GNG12: variants seen among roughly 807,000 people sequenced by gnomAD.
GNG12 encodes the protein G protein subunit gamma 12.
For missense variants in GNG12, 69 were observed against 83.8 expected (o/e 0.82, Z 0.69); for synonymous variants, 28 against 29.7 (o/e 0.94, Z 0.19).
intron 1 of GNG12, among the ~76,000 whole-genome samples, chr1:67,807,452 A>C (rs1646900060): frequency 6.6e-6 from 1 of 151,880 alleles, no homozygotes; most frequent in African/African-American, 2.4e-5. Flanking sequence ...AAAAAATTCA[A>C]ATTAAAGAAA....
intron 2 of GNG12, among the ~76,000 whole-genome samples, chr1:67,726,459 C>T (rs1646387025): frequency 6.6e-6 from 1 of 152,266 alleles, no homozygotes; most frequent in African/African-American, 2.4e-5. Flanking sequence ...GGGTTGGGCA[C>T]AGAGTGAGAA....
chr1:67,742,168 C>T (rs11803182), intron 2 of GNG12, among the ~76,000 whole-genome samples: 4,863 of 152,124 alleles, frequency 0.032, 229 homozygotes, highest in African/African-American at 0.1. Context: ...TCTCTAGCAC[C>T]CTTTTAGAAA....
At chr1:67,803,341 T>C (rs1646877317) in intron 1 of GNG12, among the ~76,000 whole-genome samples, 2 of 152,090 alleles carry the variant, frequency 1.3e-5, no homozygotes, top group Non-Finnish European at 2.9e-5. Flanking sequence ...TAGTGAGACC[T>C]CATCTCTATA....
intron 1 of GNG12, among the ~76,000 whole-genome samples, chr1:67,816,299 G>T (rs1482689199): frequency 2.6e-5 from 4 of 152,132 alleles, no homozygotes; most frequent in Non-Finnish European, 5.9e-5. Context: ...GGAGCATAGA[G>T]CGTGCTCCTG....
chr1:67,707,559 C>A lies in GNG12; in HGVS notation c.93+35G>T, dbSNP rs754761560. ...GCCACAAGGAACAGGGGGAACTGAG[C>A]AGAAAGCATATGTTATCCAGTCGGG... On this transcript the variant is annotated intron_variant, in intron 3 of 3. Coordinates refer to ENST00000370982, the MANE Select transcript of GNG12 (RefSeq NM_018841.6). 1.1e-5 allele frequency: 12 copies of A among 1,086,508 alleles called. No homozygotes were observed. In the Admixed American group the frequency reaches 1.3e-4, roughly 12 times the overall value. 67.3% of individuals were successfully genotyped at this position (1,086,508 alleles called of 1,614,324 possible). A position where few individuals can be genotyped will look rare whatever the true frequency, so the allele number is the denominator to read the frequency against.
At chr1:67,759,298 T>C (rs1296250057) in intron 2 of GNG12, among the ~76,000 whole-genome samples, 1 of 152,262 alleles carries the variant, frequency 6.6e-6, no homozygotes, top group African/African-American at 2.4e-5. Context: ...CTATGGTTCC[T>C]GCGTAGGCAG....
chr1:67,705,163 T>A lies in GNG12; in HGVS notation c.*288A>T, dbSNP rs973157675. The A allele has an allele frequency of 1.8e-5, 4 of 227,958 alleles. No individual in the cohort carries two copies. The highest frequency in any genetic ancestry group is 3.4e-5 in the Non-Finnish European group (4 of 119,216). The allele number at this position is 227,958 out of a possible 1,614,324, so 14.1% of individuals were successfully genotyped here. ...GAATCCCTTGTATTTCTAAAGTATA[T>A]AATTATGTTTTTAAAAAGGCCCAGA... On this transcript the variant is annotated 3_prime_UTR_variant, in exon 4 of 4. Transcript: ENST00000370982.
chr1:67,802,492 T>G (rs1396113858), intron 1 of GNG12, among the ~76,000 whole-genome samples: 3 of 152,230 alleles, frequency 2.0e-5, no homozygotes, highest in Non-Finnish European at 2.9e-5. Context: ...GACTTCTGCA[T>G]GCTCTGCTCT....
chr1:67,762,748 G>A (rs1322005028), intron 2 of GNG12, among the ~76,000 whole-genome samples: 1 of 151,592 alleles, frequency 6.6e-6, no homozygotes, highest in East Asian at 1.9e-4. Context: ...TGAAAAATTT[G>A]TAAAATATAA....
intron 1 of GNG12, among the ~76,000 whole-genome samples, chr1:67,787,155 C>T (rs1457357921): frequency 3.3e-5 from 5 of 151,428 alleles, no homozygotes; most frequent in Admixed American, 1.3e-4. Flanking sequence ...ATAATCTAAT[C>T]GCAGTAAGTA....
intron 2 of GNG12, among the ~76,000 whole-genome samples, chr1:67,739,010 C>A (rs1449458579): frequency 6.6e-6 from 1 of 152,150 alleles, no homozygotes; most frequent in East Asian, 1.9e-4. Flanking sequence ...AAAACTCCAT[C>A]ATGACTAAAA....
intron 1 of GNG12, among the ~76,000 whole-genome samples, chr1:67,785,899 A>G (rs1245526228): frequency 1.3e-5 from 2 of 152,200 alleles, no homozygotes; most frequent in African/African-American, 4.8e-5. Context: ...AAATTCAGAT[A>G]AAACTTATTT....
intron 1 of GNG12, among the ~76,000 whole-genome samples, chr1:67,819,151 T>C (rs1475988454): frequency 6.6e-6 from 1 of 151,796 alleles, no homozygotes; most frequent in African/African-American, 2.4e-5. Context: ...CTTTAGGAGG[T>C]GGACCCAGGC....
chr1:67,810,838 T>C (rs1305794258), intron 1 of GNG12, among the ~76,000 whole-genome samples: 1 of 152,236 alleles, frequency 6.6e-6, no homozygotes, highest in African/African-American at 2.4e-5. Context: ...AAACTCACTA[T>C]GTCTCAGTTT....
chr1:67,821,520 C>T (rs1646984619), intron 1 of GNG12, among the ~76,000 whole-genome samples: 2 of 152,112 alleles, frequency 1.3e-5, no homozygotes, highest in Admixed American at 1.3e-4. Flanking sequence ...TGGAGTCTAC[C>T]CACAACCTAA....
chr1:67,721,317 T>A (rs938310903), intron 2 of GNG12, among the ~76,000 whole-genome samples: 2 of 152,150 alleles, frequency 1.3e-5, no homozygotes, highest in Admixed American at 1.3e-4. Flanking sequence ...AGCAAGGAAG[T>A]CCGCTACAGC....
chr1:67,725,247 C>CT (rs1250541341), intron 2 of GNG12, among the ~76,000 whole-genome samples: 1 of 152,214 alleles, frequency 6.6e-6, no homozygotes, highest in East Asian at 1.9e-4. Context: ...ATACTCCTAA[C>CT]TTTGACATGC....
chr1:67,711,770 A>G (rs1413677370), intron 2 of GNG12, among the ~76,000 whole-genome samples: 2 of 152,240 alleles, frequency 1.3e-5, no homozygotes, highest in Non-Finnish European at 2.9e-5. Context: ...AAGTGTCCTC[A>G]GTTCAAAGTA....
At chr1:67,795,208 C>T (rs190898652) in intron 1 of GNG12, among the ~76,000 whole-genome samples, 1 of 152,182 alleles carries the variant, frequency 6.6e-6, no homozygotes, top group Non-Finnish European at 1.5e-5. Flanking sequence ...TAATATCCTG[C>T]AATTTTGACG....
Sources: allele counts gnomAD v4.1 joint callset (sites outside exome capture counted in the v4.1 genomes callset), GRCh38; gene constraint gnomAD v4.1.1; transcripts MANE v1.5; gene names NCBI Gene and HGNC (gene_info 2026-07-23, HGNC 2026-07-21).